ERC2: variants seen among roughly 807,000 people sequenced by gnomAD.
ERC2 encodes ELKS/RAB6-interacting/CAST family member 2.
In ERC2, 42 loss-of-function variants were observed where a neutral mutation model predicts 114.8. The observed-to-expected ratio is 0.37, with a 90% confidence interval of 0.29 to 0.47. ERC2 has a LOEUF of 0.47. ERC2 is among the 20% of genes least tolerant of loss of function. The probability of loss-of-function intolerance (pLI) is 0.99; values close to 1 mark genes in which losing one functional copy is unlikely to be tolerated. For synonymous variants in ERC2, 454 were observed against 425.5 expected (o/e 1.07, Z -0.82); for missense variants, 939 against 1,150.7 (o/e 0.82, Z 2.66).
At chr3:55,637,731 C>T (rs815466) in intron 17 of ERC2, among the ~76,000 whole-genome samples, 117,094 of 152,068 alleles carry the variant, frequency 0.77, 46,181 homozygotes, top group Non-Finnish European at 0.85. Flanking sequence ...TCAAAAGAAC[C>T]TGCTCTCTCT....
intron 6 of ERC2, among the ~76,000 whole-genome samples, chr3:56,081,390 T>C (rs2077223724): frequency 6.6e-6 from 1 of 152,028 alleles, no homozygotes; most frequent in South Asian, 2.1e-4. Flanking sequence ...GAGAACACAA[T>C]GAGCCATGCC....
chr3:55,691,173 T>C (rs1226487777), intron 16 of ERC2, among the ~76,000 whole-genome samples: 1 of 152,118 alleles, frequency 6.6e-6, no homozygotes, highest in African/African-American at 2.4e-5. Flanking sequence ...CACTTTCTAG[T>C]AGTTTTGGGG....
chr3:56,379,672 G>A (rs1344794259), intron 2 of ERC2, among the ~76,000 whole-genome samples: 2 of 152,120 alleles, frequency 1.3e-5, no homozygotes, highest in South Asian at 2.1e-4. Context: ...TGAAATGCAC[G>A]GTTAAGAAAT....
In ERC2 at chr3:55,629,252, G is replaced by A. The variant is rs982497772; in HGVS notation, c.*39+54542C>T. On this transcript the variant is annotated intron_variant, in intron 17 of 17. Coordinates refer to ENST00000288221, the MANE Select transcript of ERC2 (RefSeq NM_015576.3). ...GGGATGCCTAGGGAGTGGGGTGGCAGAGATGCCATGGCTCCCAGAGATGAT... is the reference window on the plus strand; with the variant it reads ...GGGATGCCTAGGGAGTGGGGTGGCAAAGATGCCATGGCTCCCAGAGATGAT... Among the ~76,000 whole-genome samples, 2 of 152,222 alleles carry A rather than the reference G, an allele frequency of 1.3e-5. 1 individual carries two copies. Among genetic ancestry groups the A allele is most frequent in the Admixed American group, 1.3e-4 (2 of 15,290 alleles).
chr3:55,735,731 C>T (rs193136485), intron 14 of ERC2, among the ~76,000 whole-genome samples: 8 of 152,222 alleles, frequency 5.3e-5, no homozygotes, highest in Non-Finnish European at 1.0e-4. Flanking sequence ...GCGAAAACCC[C>T]CCCAAAACTG....
intron 1 of ERC2, among the ~76,000 whole-genome samples, chr3:56,449,886 C>T (rs927345609): frequency 2.6e-5 from 4 of 152,308 alleles, no homozygotes; most frequent in East Asian, 1.9e-4. Context: ...TAGAATTCTC[C>T]CAGTTCACTA....
At chr3:56,056,297 A>C (rs1248036439) in intron 7 of ERC2, among the ~76,000 whole-genome samples, 1 of 152,244 alleles carries the variant, frequency 6.6e-6, no homozygotes, top group Non-Finnish European at 1.5e-5. Flanking sequence ...GAAAGAAGAC[A>C]TGAAATGTCA....
chr3:55,893,209 T>A (rs1375960212), intron 13 of ERC2, among the ~76,000 whole-genome samples: 1 of 152,158 alleles, frequency 6.6e-6, no homozygotes, highest in Non-Finnish European at 1.5e-5. Context: ...TATGGTATTT[T>A]GTTAGAGCAG....
intron 13 of ERC2, among the ~76,000 whole-genome samples, chr3:55,891,607 C>G (rs2063607869): frequency 1.3e-5 from 2 of 151,850 alleles, no homozygotes; most frequent in African/African-American, 4.8e-5. Flanking sequence ...CCACCACGCC[C>G]AGCTAATTTT....
At chr3:56,179,142 G>A (rs6763791) in intron 3 of ERC2, among the ~76,000 whole-genome samples, 14,248 of 151,976 alleles carry the variant, frequency 0.094, 921 homozygotes, top group African/African-American at 0.16. Context: ...CAAAGCCGTC[G>A]TGGTGGCATG....
Position 55,993,478 on chromosome 3 carries a change from T to A in ERC2, c.2062-1228A>T, listed in dbSNP as rs546245213. ...AATACTAATACTACGGTTAGAAGGT[T>A]TGACAGTCTTTGCAATGATTTAATA... On this transcript the variant is annotated intron_variant, in intron 10 of 17. Transcript: ENST00000288221. Among the ~76,000 whole-genome samples the A allele has an allele frequency of 4.6e-5, 7 of 152,250 alleles. No individual in the cohort carries two copies. The South Asian group carries it at 1.5e-3, about 32-fold the overall frequency.
At chr3:56,153,963 G>A (rs941202233) in intron 4 of ERC2, among the ~76,000 whole-genome samples, 2 of 152,188 alleles carry the variant, frequency 1.3e-5, no homozygotes, top group Non-Finnish European at 2.9e-5. Context: ...TTTAAAAGAT[G>A]TGATCTAATG....
chr3:56,149,226 G>T lies in ERC2; in HGVS notation c.1150-94C>A, dbSNP rs1327225836. 7.4e-6 allele frequency: 9 copies of T among 1,218,726 alleles called. No individual in the cohort carries two copies. In the Admixed American group the frequency reaches 1.7e-4, roughly 23 times the overall value. 75.5% of individuals were successfully genotyped at this position (1,218,726 alleles called of 1,614,324 possible). A position where few individuals can be genotyped will look rare whatever the true frequency, so the allele number is the denominator to read the frequency against. On this transcript the variant is annotated intron_variant, in intron 4 of 17. Coordinates refer to ENST00000288221, the MANE Select transcript of ERC2 (RefSeq NM_015576.3). ...AATTTAAGAAAGTAATTTTGGTAGT[G>T]CTGTCACATATTAACCATGGTATAG...
At chr3:56,321,382 G>T (rs1283048573) in intron 2 of ERC2, among the ~76,000 whole-genome samples, 1 of 152,058 alleles carries the variant, frequency 6.6e-6, no homozygotes, top group Non-Finnish European at 1.5e-5. Flanking sequence ...CATGGAAAAG[G>T]CAAGGTAAAT....
chr3:55,556,446 T>C (rs2055613692), intron 17 of ERC2, among the ~76,000 whole-genome samples: 1 of 152,148 alleles, frequency 6.6e-6, no homozygotes, highest in Non-Finnish European at 1.5e-5. Flanking sequence ...CTCCACTTTC[T>C]GTCCAGAAGC....
chr3:56,117,226 A>T (rs2079289393), intron 6 of ERC2, among the ~76,000 whole-genome samples: 1 of 152,214 alleles, frequency 6.6e-6, no homozygotes, highest in Non-Finnish European at 1.5e-5. Flanking sequence ...CTTACAGTGG[A>T]GAGTGGATGC....
At chr3:56,409,221 CA>C (rs2060845889) in intron 2 of ERC2, among the ~76,000 whole-genome samples, 1 of 152,096 alleles carries the variant, frequency 6.6e-6, no homozygotes, top group Admixed American at 6.5e-5. Context: ...TGCATGTGTC[CA>C]GGCTCACCAA....
At chr3:55,988,481 G>C (rs1335712717) in intron 11 of ERC2, among the ~76,000 whole-genome samples, 1 of 152,212 alleles carries the variant, frequency 6.6e-6, no homozygotes, top group Non-Finnish European at 1.5e-5. Context: ...AGAGGTAAAT[G>C]CATTGTGTAA....
intron 13 of ERC2, among the ~76,000 whole-genome samples, chr3:55,945,180 T>C (rs983042391): frequency 6.6e-6 from 1 of 152,222 alleles, no homozygotes; most frequent in Non-Finnish European, 1.5e-5. Flanking sequence ...TTTCCATATG[T>C]TGAAAATGAT....
Sources: allele counts gnomAD v4.1 joint callset (sites outside exome capture counted in the v4.1 genomes callset), GRCh38; gene constraint gnomAD v4.1.1; transcripts MANE v1.5; gene names NCBI Gene and HGNC (gene_info 2026-07-23, HGNC 2026-07-21).